The following KIF6 variants were observed in gnomAD, a reference collection of about 807,000 sequenced individuals.
KIF6 encodes the protein kinesin-like protein KIF6.
In KIF6, 106 loss-of-function variants were observed where a neutral mutation model predicts 112.7. The observed-to-expected ratio is 0.94, with a 90% confidence interval of 0.80 to 1.11. KIF6 has a LOEUF of 1.11. Among genes scored for constraint, KIF6 ranks in the 50% least tolerant of loss-of-function variants. The pLI is 0.00. For missense variants in KIF6, 929 were observed against 964.0 expected, an observed-to-expected ratio of 0.96 and a Z score of 0.48; for synonymous variants, 339 against 339.9, an observed-to-expected ratio of 1.00 and a Z score of 0.03.
At chr6:39,684,389 G>A (rs978505425) in intron 3 of KIF6, among the ~76,000 whole-genome samples, 7 of 151,930 alleles carry the variant, frequency 4.6e-5, no homozygotes, top group African/African-American at 1.5e-4. Flanking sequence ...GGCCAAGGTG[G>A]GTGATCACCT....
At chr6:39,450,730 G>T (rs1401915980) in intron 13 of KIF6, among the ~76,000 whole-genome samples, 1 of 152,160 alleles carries the variant, frequency 6.6e-6, no homozygotes, top group South Asian at 2.1e-4. Context: ...GCCTGAGCCC[G>T]GGAGGTTGAG....
intron 15 of KIF6, among the ~76,000 whole-genome samples, chr6:39,388,433 G>A (rs1254135423): frequency 6.6e-6 from 1 of 152,140 alleles, no homozygotes; most frequent in African/African-American, 2.4e-5. Flanking sequence ...GGAACAAAAG[G>A]TGGGTCTTTA....
At chr6:39,674,007 T>TA (rs1361685033) in intron 3 of KIF6, among the ~76,000 whole-genome samples, 4 of 152,160 alleles carry the variant, frequency 2.6e-5, no homozygotes, top group African/African-American at 9.7e-5. Context: ...TCTGGTACTA[T>TA]TCTTTTGGGG....
chr6:39,364,163 C>T (rs1366263814), intron 16 of KIF6, among the ~76,000 whole-genome samples: 3 of 151,838 alleles, frequency 2.0e-5, no homozygotes, highest in African/African-American at 4.8e-5. Context: ...GCGATCTCCA[C>T]TGACTGCAAC....
chr6:39,613,046 T>A, intron 6 of KIF6, 143 bp downstream of exon 6: 1 of 522,160 alleles, frequency 1.9e-6, no homozygotes, highest in Non-Finnish European at 2.9e-6. Flanking sequence ...GGTTTCTTTA[T>A]CTGCATGTGA....
chr6:39,456,857 C>T (rs1773148479), intron 13 of KIF6, among the ~76,000 whole-genome samples: 1 of 149,694 alleles, frequency 6.7e-6, no homozygotes, highest in Admixed American at 6.7e-5. Context: ...ACAGGAGCAC[C>T]CAGATTCATA....
chr6:39,469,943 T>G (rs939992364), intron 13 of KIF6, among the ~76,000 whole-genome samples: 1 of 152,216 alleles, frequency 6.6e-6, no homozygotes, highest in African/African-American at 2.4e-5. Context: ...CAACACTATA[T>G]GCCAACTAGA....
At chr6:39,721,956 C>T (rs1203896635) in intron 1 of KIF6, among the ~76,000 whole-genome samples, 1 of 151,978 alleles carries the variant, frequency 6.6e-6, no homozygotes, top group East Asian at 1.9e-4. Flanking sequence ...CTACCTAAAT[C>T]TCCAGAAAGT....
At chr6:39,615,886 G>T (rs540685149) in intron 5 of KIF6, among the ~76,000 whole-genome samples, 1 of 152,078 alleles carries the variant, frequency 6.6e-6, no homozygotes, top group South Asian at 2.1e-4. Context: ...CAGTTGGTGA[G>T]TATACTAAGC....
At chr6:39,502,381 A>AC (rs1473965258) in intron 13 of KIF6, among the ~76,000 whole-genome samples, 6 of 151,998 alleles carry the variant, frequency 3.9e-5, no homozygotes, top group South Asian at 2.1e-4. Flanking sequence ...CACTAAAAAA[A>AC]ACACACACAC....
chr6:39,465,004 G>C (rs1049161770), intron 13 of KIF6, among the ~76,000 whole-genome samples: 4 of 152,216 alleles, frequency 2.6e-5, no homozygotes, highest in Non-Finnish European at 5.9e-5. Flanking sequence ...GCAGCTCTAA[G>C]ATGTATCTGT....
At chr6:39,344,675 C>G (rs1392843509) in intron 21 of KIF6, among the ~76,000 whole-genome samples, 1 of 152,130 alleles carries the variant, frequency 6.6e-6, no homozygotes, top group Non-Finnish European at 1.5e-5. Flanking sequence ...TTTACCCAAA[C>G]CAGCACCCCT....
intron 10 of KIF6, among the ~76,000 whole-genome samples, chr6:39,552,871 G>C (rs1199066147): frequency 6.6e-6 from 1 of 152,092 alleles, no homozygotes; most frequent in Non-Finnish European, 1.5e-5. Flanking sequence ...CAAAAGGAAA[G>C]TTCAGATAAC....
chr6:39,575,513 G>A (rs923222962), intron 10 of KIF6, among the ~76,000 whole-genome samples: 3 of 152,032 alleles, frequency 2.0e-5, no homozygotes, highest in Admixed American at 6.5e-5. Context: ...TTTGTGATCC[G>A]CCCGCCTTGG....
chr6:39,666,086 T>C (rs1005350159), intron 3 of KIF6, among the ~76,000 whole-genome samples: 26 of 152,228 alleles, frequency 1.7e-4, no homozygotes, highest in African/African-American at 5.8e-4. Flanking sequence ...AGGAATGTCA[T>C]ACAGGCAAAT....
In KIF6 at chr6:39,331,548, C is replaced by A. The variant is rs1969744; in HGVS notation, c.*4984G>T. 16,298 of 152,124 alleles carry A rather than the reference C, an allele frequency of 0.11. 958 individuals are homozygous for A. Among genetic ancestry groups the A allele is most frequent in the Middle Eastern group, 0.23 (67 of 296 alleles). 9.4% of individuals were successfully genotyped at this position (152,124 alleles called of 1,614,324 possible). ...TACAGGTGCGCACCACCACACCCAG[C>A]TAATTTTTGTATTTTTAGTAGCGAT... On this transcript the variant is annotated 3_prime_UTR_variant, in exon 23 of 23. Transcript: ENST00000287152.
rs149740892 is a variant in KIF6, at chr6:39,608,695, T to C, written c.639+4494A>G. Among the ~76,000 whole-genome samples, 24 of 152,340 alleles carry C rather than the reference T, an allele frequency of 1.6e-4. No individual in the cohort carries two copies. The East Asian group carries it at 4.6e-3, about 29-fold the overall frequency. ...TGGAAAGTAACCTCTTTCAAAAGAT[T>C]TGAAGTATCACACACACACACAAAA... On this transcript the variant is annotated intron_variant, in intron 6 of 22. Transcript: ENST00000287152.
chr6:39,515,423 A>G (rs901579170), intron 13 of KIF6, among the ~76,000 whole-genome samples: 1 of 152,210 alleles, frequency 6.6e-6, no homozygotes, highest in Non-Finnish European at 1.5e-5. Flanking sequence ...CCTTGGGCGC[A>G]ATCATCTTTG....
chr6:39,507,865 C>CTATTCTCT (rs959393741), intron 13 of KIF6, among the ~76,000 whole-genome samples: 2 of 150,808 alleles, frequency 1.3e-5, no homozygotes, highest in Non-Finnish European at 3.0e-5. Context: ...CTTTTTCTTT[C>CTATTCTCT]TATTCTCTTT....
Sources: gnomAD v4.1 joint callset for allele counts (sites outside exome capture counted in the v4.1 genomes callset) on GRCh38, gnomAD v4.1.1 for gene constraint, MANE v1.5 for transcripts, NCBI Gene and HGNC (gene_info 2026-07-23, HGNC 2026-07-21) for gene names.